Variants in CSNK2A1 observed in about 807,000 individuals in gnomAD.
CSNK2A1 encodes casein kinase II subunit alpha.
A neutral mutation model predicts 62.9 loss-of-function variants in CSNK2A1; 10 were observed. The observed-to-expected ratio is 0.16, with a 90% CI of 0.10 to 0.27. The LOEUF (loss-of-function observed/expected upper bound fraction) is 0.27, where lower values mean the gene tolerates loss of function less well. Ranked by LOEUF, CSNK2A1 falls within the 10% of genes least tolerant of loss-of-function variation. The probability of loss-of-function intolerance (pLI) is 1.00; values close to 1 mark genes in which losing one functional copy is unlikely to be tolerated. For missense variants in CSNK2A1, 160 were observed against 492.0 expected (o/e 0.33, Z 6.38); for synonymous variants, 124 against 167.8 (o/e 0.74, Z 2.02).
At chr20:521,751 A>C (rs1391472440) in intron 2 of CSNK2A1, among the ~76,000 whole-genome samples, 1 of 152,164 alleles carries the variant, frequency 6.6e-6, no homozygotes, top group Non-Finnish European at 1.5e-5. Context: ...AAAATGGATG[A>C]ATCGTTTTTC....
In CSNK2A1 at chr20:505,106, T is replaced by A; in HGVS notation, c.213+12A>T. ...TATTCCAAATACCTCTGAAATTATC[T>A]CTTGTACTCACCTTGAGAATTTTAA... On this transcript the variant is annotated intron_variant, in intron 4 of 13. Transcript: ENST00000217244. 1.2e-5 allele frequency: 19 copies of A among 1,600,884 alleles called. No homozygotes were observed. Among genetic ancestry groups the A allele is most frequent in the Non-Finnish European group, 1.6e-5 (19 of 1,172,208 alleles).
At chr20:538,606 T>C (rs2019383550) in intron 1 of CSNK2A1, among the ~76,000 whole-genome samples, 1 of 152,172 alleles carries the variant, frequency 6.6e-6, no homozygotes, top group African/African-American at 2.4e-5. Flanking sequence ...CTCCATTCTG[T>C]AGTGATGATT....
intron 1 of CSNK2A1, among the ~76,000 whole-genome samples, chr20:530,929 A>G (rs1373710409): frequency 6.6e-6 from 1 of 152,122 alleles, no homozygotes; most frequent in Non-Finnish European, 1.5e-5. Context: ...TACTAAAAAT[A>G]CAAAATTAGC....
At chr20:488,843 CAAT>C in intron 10 of CSNK2A1, 65 bp from the exon 11 acceptor site, 2 of 1,441,894 alleles carry the variant, frequency 1.4e-6, no homozygotes, top group Non-Finnish European at 1.9e-6. Context: ...CAACAATTAA[CAAT>C]GATTGAATTT....
At chr20:487,664 G>GTCTGGGCTGTT in intron 11 of CSNK2A1, 89 bp from the exon 12 acceptor site, 1 of 1,576,316 alleles carries the variant, frequency 6.3e-7, no homozygotes. Context: ...GTGGCTAACA[G>GTCTGGGCTGTT]CCCAGACAAA....
rs1452400371 is a variant in CSNK2A1 at position 481,824 on chromosome 20, A to G, written c.*2137T>C. On this transcript the variant is annotated 3_prime_UTR_variant, in exon 14 of 14. Transcript: ENST00000217244. ...TCAAATCACAATCCAGTGCAAACATAATCACAAATTGCATCTCTGGCACAT... is the reference window on the plus strand; with the variant it reads ...TCAAATCACAATCCAGTGCAAACATGATCACAAATTGCATCTCTGGCACAT... The G allele has an allele frequency of 1.3e-5, 2 of 152,210 alleles. No individual in the cohort carries two copies. Among genetic ancestry groups the G allele is most frequent in the Non-Finnish European group, 2.9e-5 (2 of 68,042 alleles). The allele number at this position is 152,210 out of a possible 1,614,324, so 9.4% of individuals were successfully genotyped here.
At chr20:530,051 G>A (rs1298384252) in intron 1 of CSNK2A1, among the ~76,000 whole-genome samples, 1 of 152,072 alleles carries the variant, frequency 6.6e-6, no homozygotes, top group African/African-American at 2.4e-5. Context: ...CTAAAATGGT[G>A]TGTTTTCGTA....
intron 7 of CSNK2A1, 73 bp from the exon 8 acceptor site, chr20:495,875 A>G (rs2018337732): frequency 2.2e-6 from 3 of 1,371,086 alleles, no homozygotes; most frequent in Non-Finnish European, 3.1e-6. Flanking sequence ...CCCTCCATGT[A>G]AATTTTCCTT....
intron 2 of CSNK2A1, among the ~76,000 whole-genome samples, 181 bp from the exon 3 acceptor site, chr20:508,841 A>C (rs1172589001): frequency 6.6e-6 from 1 of 152,180 alleles, no homozygotes; most frequent in Non-Finnish European, 1.5e-5. Flanking sequence ...AATCCCAAGA[A>C]ATACAGTAAA....
In CSNK2A1 at chr20:508,460, A is replaced by C. The variant is rs920360014; in HGVS notation, c.92T>G (p.Val31Gly). 2 of 1,613,842 alleles carry C rather than the reference A, an allele frequency of 1.2e-6. No individual in the cohort carries two copies. The highest frequency in any genetic ancestry group is 1.7e-6 in the Non-Finnish European group (2 of 1,179,962). Residue 31 changes from valine to glycine, a missense_variant, in exon 3 of 14, where the codon GTG becomes GGG. Physicochemically the swap from Val to Gly is moderately radical, Grantham distance 109. Transcript: ENST00000217244. ...REYWDYESHV[V>G]EWGNQDDYQL... is the part of the protein sequence containing the mutation. ...CAACAAAAACAATTACCCCCATTCC[A>C]CCACATGTGACTCGTAATCCCAGTA...
At chr20:516,527 A>AT (rs1280695389) in intron 2 of CSNK2A1, among the ~76,000 whole-genome samples, 1 of 152,244 alleles carries the variant, frequency 6.6e-6, no homozygotes, top group Non-Finnish European at 1.5e-5. Context: ...TGCCAAAATC[A>AT]TAAGTTTACT....
In CSNK2A1 at chr20:486,307, C is replaced by G. The variant is rs578052116; in HGVS notation, c.1060+69G>C. ...GGAGAAGAGAAGGTATACAAGAAAT[C>G]AGACCACAAAGCTAAGAACAGTAAT... On this transcript the variant is annotated intron_variant, in intron 13 of 13. Transcript: ENST00000217244. 7 of 1,577,458 alleles carry G rather than the reference C, an allele frequency of 4.4e-6. 1 individual carries two copies. The South Asian group carries it at 4.5e-5, about 10-fold the overall frequency.
chr20:489,682 CG>C (rs1383961680), intron 10 of CSNK2A1, 97 bp downstream of exon 10: 2 of 917,422 alleles, frequency 2.2e-6, no homozygotes, highest in African/African-American at 3.3e-5. Context: ...GGATCAATAT[CG>C]GGGTGGCTGA....
intron 2 of CSNK2A1, among the ~76,000 whole-genome samples, chr20:515,529 A>G (rs1417040319): frequency 2.0e-5 from 3 of 152,198 alleles, no homozygotes; most frequent in African/African-American, 4.8e-5. Context: ...AGAATATCCA[A>G]TACAGTTACA....
chr20:487,861 G>A (rs1240685342), intron 11 of CSNK2A1: 3 of 431,882 alleles, frequency 6.9e-6, no homozygotes, highest in African/African-American at 4.0e-5. Context: ...TAGCAAGGAG[G>A]GTCAGGTGGC....
At chr20:505,362 T>G (rs2018554207) in intron 3 of CSNK2A1, 133 bp from the exon 4 acceptor site, 10 of 708,724 alleles carry the variant, frequency 1.4e-5, no homozygotes, top group African/African-American at 7.9e-5. Context: ...TTTTTTTTTT[T>G]TTTTTTTTTT....
intron 11 of CSNK2A1, 121 bp from the exon 12 acceptor site, chr20:487,696 A>C: frequency 7.2e-7 from 1 of 1,379,816 alleles, no homozygotes; most frequent in Non-Finnish European, 1.0e-6. Context: ...ATCCAAACTC[A>C]AGAGGGTAGT....
intron 2 of CSNK2A1, among the ~76,000 whole-genome samples, chr20:509,737 A>T (rs893997642): frequency 1.3e-5 from 2 of 152,052 alleles, no homozygotes; most frequent in African/African-American, 2.4e-5. Context: ...CACCACCCTC[A>T]GCTAATTTTC....
intron 1 of CSNK2A1, among the ~76,000 whole-genome samples, chr20:531,530 G>T (rs2019212390): frequency 6.6e-6 from 1 of 152,124 alleles, no homozygotes; most frequent in African/African-American, 2.4e-5. Context: ...CAGTGGCCAT[G>T]AACTCTCTGG....
Sources: allele counts gnomAD v4.1 joint callset (sites outside exome capture counted in the v4.1 genomes callset), GRCh38; gene constraint gnomAD v4.1.1; transcripts MANE v1.5; gene names NCBI Gene and HGNC (gene_info 2026-07-23, HGNC 2026-07-21).